The following TCERG1L variants were observed in gnomAD, a reference collection of about 807,000 sequenced individuals.
TCERG1L encodes the protein transcription elongation regulator 1-like protein.
A neutral mutation model predicts 56.3 loss-of-function variants in TCERG1L; 37 were observed. The ratio of observed to expected loss-of-function variants is 0.66; its 90% CI spans 0.51 to 0.87. The LOEUF (loss-of-function observed/expected upper bound fraction) is 0.87. Ranked by LOEUF, TCERG1L falls within the 40% of genes least tolerant of loss-of-function variation. The probability of loss-of-function intolerance (pLI) is 0.00; values close to 1 mark genes in which losing one functional copy is unlikely to be tolerated. For missense variants in TCERG1L, 799 were observed against 774.2 expected (o/e 1.03, Z -0.38); for synonymous variants, 324 against 326.3 (o/e 0.99, Z 0.08).
rs555582105 is a variant in TCERG1L, at chr10:131,131,164, G to A, written c.1259+3215C>T. On this transcript the variant is annotated intron_variant, in intron 8 of 11. Transcript: ENST00000368642. ...AAATCACAGGTGTGATTCGAGCCGCGGTGTCCAGGTTTCTGATGCTCAGGC... is the reference window on the plus strand; with the variant it reads ...AAATCACAGGTGTGATTCGAGCCGCAGTGTCCAGGTTTCTGATGCTCAGGC... 2.0e-4 allele frequency among the ~76,000 whole-genome samples: 30 copies of A among 152,206 alleles called. No homozygotes were observed. The South Asian group carries it at 5.6e-3, about 28-fold the overall frequency.
chr10:131,304,145 T>C (rs1202221759), intron 3 of TCERG1L, among the ~76,000 whole-genome samples: 1 of 152,054 alleles, frequency 6.6e-6, no homozygotes, highest in Admixed American at 6.5e-5. Context: ...TCTTTGATCT[T>C]AAGCTGGCAG....
At chr10:131,224,018 TC>T (rs1418862776) in intron 4 of TCERG1L, among the ~76,000 whole-genome samples, 1 of 151,884 alleles carries the variant, frequency 6.6e-6, no homozygotes, top group Non-Finnish European at 1.5e-5. Flanking sequence ...CCACCAGAGC[TC>T]CACCCTGGAG....
At chr10:131,259,052 A>C (rs1846205795) in intron 4 of TCERG1L, among the ~76,000 whole-genome samples, 1 of 152,224 alleles carries the variant, frequency 6.6e-6, no homozygotes, top group African/African-American at 2.4e-5. Flanking sequence ...ACATGCTGAC[A>C]TAGAAATACA....
chr10:131,108,743 G>A (rs1454657451), intron 9 of TCERG1L, among the ~76,000 whole-genome samples: 2 of 152,220 alleles, frequency 1.3e-5, no homozygotes, highest in African/African-American at 2.4e-5. Context: ...GGGCTGAGAT[G>A]AGGTGCCGGC....
At position 131,166,819 on chromosome 10, in the gene TCERG1L, C is replaced by T. The variant is rs751502635; in HGVS notation, c.923G>A (p.Arg308Gln). The T allele has an allele frequency of 6.6e-5, 107 of 1,613,794 alleles. No individual in the cohort carries two copies. Among genetic ancestry groups the T allele is most frequent in the Admixed American group, 1.2e-4 (7 of 60,012 alleles). The part of the protein sequence containing the change: ...PALMLRAQKS[R>Q]DGDKEDKEPP... ...GACCTTGTCTTCTTTGTCTCCATCC[C>T]GGCTCTTCTGGGCCCGCAGCATCAG... Residue 308 changes from arginine (R) to glutamine (Q), a missense_variant, in exon 5 of 12, where the codon CGG becomes CAG. Physicochemically the swap from Arg to Gln is conservative, Grantham distance 43. Transcript: ENST00000368642.
Position 131,169,112 on chromosome 10 carries a change from C to T in TCERG1L, c.857-2227G>A, listed in dbSNP as rs112421675. Reference sequence around the variant, plus strand: ...CTCTGTTAAGAATTACTCCCAGAGCCCATTCTTGTCAAGGTGCAGCGGTCA... The same window carrying T: ...CTCTGTTAAGAATTACTCCCAGAGCTCATTCTTGTCAAGGTGCAGCGGTCA... On this transcript the variant is annotated intron_variant, in intron 4 of 11. Coordinates refer to ENST00000368642, the MANE Select transcript of TCERG1L (RefSeq NM_174937.4). Among the ~76,000 whole-genome samples the T allele has an allele frequency of 3.1e-3, 479 of 152,282 alleles. 3 individuals carry two copies. The highest frequency in any genetic ancestry group is 5.7e-3 in the Non-Finnish European group (387 of 68,032).
intron 4 of TCERG1L, among the ~76,000 whole-genome samples, chr10:131,218,765 G>A (rs1845700744): frequency 6.6e-6 from 1 of 152,158 alleles, no homozygotes; most frequent in Non-Finnish European, 1.5e-5. Context: ...GGCTGACGTG[G>A]GGATGGAACC....
chr10:131,128,905 A>C (rs924845564), intron 8 of TCERG1L, among the ~76,000 whole-genome samples: 3 of 152,178 alleles, frequency 2.0e-5, no homozygotes, highest in African/African-American at 7.2e-5. Context: ...CCTGACCCTG[A>C]TAAAGCTCGG....
intron 4 of TCERG1L, among the ~76,000 whole-genome samples, chr10:131,205,569 C>CT (rs1354886644): frequency 2.0e-5 from 3 of 152,208 alleles, no homozygotes; most frequent in African/African-American, 4.8e-5. Flanking sequence ...AAATGCTTCT[C>CT]TTAAGTAGCT....
At chr10:131,148,179 G>A (rs2133416134) in intron 6 of TCERG1L, among the ~76,000 whole-genome samples, 1 of 152,360 alleles carries the variant, frequency 6.6e-6, no homozygotes, top group South Asian at 2.1e-4. Context: ...AGGACCCTGA[G>A]ATGGGGGAAT....
At chr10:131,286,900 C>T (rs1455578254) in intron 3 of TCERG1L, among the ~76,000 whole-genome samples, 1 of 152,206 alleles carries the variant, frequency 6.6e-6, no homozygotes, top group African/African-American at 2.4e-5. Flanking sequence ...GAGCCCCTGA[C>T]CTGGGCTAGC....
intron 3 of TCERG1L, among the ~76,000 whole-genome samples, chr10:131,266,801 C>T (rs1273431040): frequency 2.6e-5 from 4 of 152,080 alleles, no homozygotes; most frequent in Non-Finnish European, 5.9e-5. Flanking sequence ...TGTGGCTGGT[C>T]GTCCCTACAT....
At chr10:131,124,207 TAATTA>T (rs1845542180) in intron 8 of TCERG1L, among the ~76,000 whole-genome samples, 1 of 152,162 alleles carries the variant, frequency 6.6e-6, no homozygotes, top group Non-Finnish European at 1.5e-5. Flanking sequence ...TCCAAGGCTG[TAATTA>T]CAGGACCCGC....
chr10:131,205,229 C>T lies in TCERG1L; in HGVS notation c.857-38344G>A, dbSNP rs540141478. Among the ~76,000 whole-genome samples the T allele has an allele frequency of 3.9e-5, 6 of 152,224 alleles. No homozygotes were observed. The East Asian group carries it at 5.8e-4, about 15-fold the overall frequency. On this transcript the variant is annotated intron_variant, in intron 4 of 11. Transcript: ENST00000368642. ...ATCCCAACAGCTCTCCTTTATGGAACGCCACATAATTAACCAGTGACGTGC... is the reference window on the plus strand; with the variant it reads ...ATCCCAACAGCTCTCCTTTATGGAATGCCACATAATTAACCAGTGACGTGC...
At chr10:131,281,531 CTT>C (rs1049185130) in intron 3 of TCERG1L, among the ~76,000 whole-genome samples, 3 of 152,140 alleles carry the variant, frequency 2.0e-5, no homozygotes, top group Non-Finnish European at 2.9e-5. Context: ...GAAAAGGAAA[CTT>C]TGAGTGAAGC....
At chr10:131,231,294 G>A (rs572274482) in intron 4 of TCERG1L, among the ~76,000 whole-genome samples, 5 of 152,320 alleles carry the variant, frequency 3.3e-5, no homozygotes, top group East Asian at 3.9e-4. Flanking sequence ...ATAGAGCTAC[G>A]CCATTGGAAA....
chr10:131,130,169 C>A (rs867266930), intron 8 of TCERG1L, among the ~76,000 whole-genome samples: 2 of 151,768 alleles, frequency 1.3e-5, no homozygotes, highest in Non-Finnish European at 2.9e-5. Context: ...GTGAAAGACG[C>A]ATGTTACAAG....
chr10:131,254,682 C>T (rs555888193), intron 4 of TCERG1L, among the ~76,000 whole-genome samples: 4 of 152,164 alleles, frequency 2.6e-5, no homozygotes, highest in African/African-American at 4.8e-5. Context: ...GGGAGGAGGA[C>T]GGCAGTGCCG....
intron 8 of TCERG1L, among the ~76,000 whole-genome samples, chr10:131,131,148 G>A (rs1362474392): frequency 1.3e-5 from 2 of 152,150 alleles, no homozygotes; most frequent in Non-Finnish European, 2.9e-5. Flanking sequence ...GAAATCACAG[G>A]TGTGATTCGA....
Sources: gnomAD v4.1 joint callset for allele counts (sites outside exome capture counted in the v4.1 genomes callset) on GRCh38, gnomAD v4.1.1 for gene constraint, MANE v1.5 for transcripts, NCBI Gene and HGNC (gene_info 2026-07-23, HGNC 2026-07-21) for gene names.